The following AGBL1 variants were observed in gnomAD, a reference collection of about 807,000 sequenced individuals.
AGBL1 encodes the protein cytosolic carboxypeptidase 4.
A neutral mutation model predicts 118.9 loss-of-function variants in AGBL1; 130 were observed. The ratio of observed to expected loss-of-function variants is 1.09; its 90% CI spans 0.95 to 1.26. The LOEUF is 1.26. Among genes scored for constraint, AGBL1 ranks in the 50% most tolerant of loss-of-function variants. The probability of loss-of-function intolerance (pLI) is 0.00; values close to 1 mark genes in which losing one functional copy is unlikely to be tolerated. For missense variants in AGBL1, 1,584 were observed against 1,298.1 expected, an observed-to-expected ratio of 1.22 and a Z score of -3.38; for synonymous variants, 555 against 478.9, an observed-to-expected ratio of 1.16 and a Z score of -2.08.
intron 24 of AGBL1, among the ~76,000 whole-genome samples, chr15:87,025,996 C>A (rs1170174750): frequency 6.6e-6 from 1 of 151,994 alleles, no homozygotes; most frequent in Non-Finnish European, 1.5e-5. Flanking sequence ...TCACCTTATA[C>A]AAAAATCAAT....
chr15:86,543,812 A>G (rs1202231108), intron 19 of AGBL1, among the ~76,000 whole-genome samples: 1 of 152,232 alleles, frequency 6.6e-6, no homozygotes, highest in Non-Finnish European at 1.5e-5. Context: ...CAACTGCTAT[A>G]TCCATCTTAT....
chr15:86,477,056 A>C (rs1401019423), intron 18 of AGBL1, among the ~76,000 whole-genome samples: 1 of 152,182 alleles, frequency 6.6e-6, no homozygotes, highest in Non-Finnish European at 1.5e-5. Flanking sequence ...ACAACATACC[A>C]GAATCTCTGG....
chr15:86,165,656 C>T (rs1292923324), intron 5 of AGBL1, among the ~76,000 whole-genome samples: 1 of 152,126 alleles, frequency 6.6e-6, no homozygotes, highest in Non-Finnish European at 1.5e-5. Flanking sequence ...CTAACGGCTT[C>T]ATGATTCCCC....
intron 1 of AGBL1, among the ~76,000 whole-genome samples, chr15:86,138,097 G>T (rs887768368): frequency 6.6e-6 from 1 of 152,098 alleles, no homozygotes; most frequent in Non-Finnish European, 1.5e-5. Flanking sequence ...GGTGGGAATA[G>T]AGATATGAAT....
At chr15:86,540,184 G>A (rs1403247622) in intron 19 of AGBL1, among the ~76,000 whole-genome samples, 1 of 152,022 alleles carries the variant, frequency 6.6e-6, no homozygotes, top group African/African-American at 2.4e-5. Flanking sequence ...ATTAACTATT[G>A]TTGCTATTAT....
chr15:86,081,691 C>G (rs1210283512), intron 1 of AGBL1, among the ~76,000 whole-genome samples: 1 of 152,210 alleles, frequency 6.6e-6, no homozygotes, highest in Non-Finnish European at 1.5e-5. Flanking sequence ...GAGACCTCTT[C>G]TAATTTCTGA....
intron 23 of AGBL1, among the ~76,000 whole-genome samples, chr15:86,949,262 C>A (rs2080855221): frequency 6.6e-6 from 1 of 151,958 alleles, no homozygotes; most frequent in Non-Finnish European, 1.5e-5. Context: ...CTTACAAAAT[C>A]AAGATGAAAT....
At chr15:86,190,912 CA>C (rs1232204836) in intron 5 of AGBL1, among the ~76,000 whole-genome samples, 2 of 152,106 alleles carry the variant, frequency 1.3e-5, no homozygotes, top group African/African-American at 2.4e-5. Flanking sequence ...ACCCAAGAAA[CA>C]AATGCAAATT....
intron 21 of AGBL1, among the ~76,000 whole-genome samples, chr15:86,659,289 C>G (rs750682684): frequency 3.9e-5 from 6 of 152,074 alleles, no homozygotes; most frequent in Admixed American, 2.6e-4. Context: ...TTAGTGGACA[C>G]TATTTAAAGA....
chr15:86,438,797 G>T (rs1203551926), intron 18 of AGBL1, among the ~76,000 whole-genome samples: 1 of 151,944 alleles, frequency 6.6e-6, no homozygotes, highest in Non-Finnish European at 1.5e-5. Flanking sequence ...AGATAGCTGG[G>T]ATTACAGGCA....
At chr15:86,848,962 A>C (rs1231476625) in intron 22 of AGBL1, among the ~76,000 whole-genome samples, 1 of 152,180 alleles carries the variant, frequency 6.6e-6, no homozygotes, top group South Asian at 2.1e-4. Context: ...GAGGAAACTG[A>C]AATCAACTGT....
At position 86,159,019 on chromosome 15, in the gene AGBL1, G is replaced by A; in HGVS notation, c.481G>A (p.Ala161Thr). 6.2e-7 allele frequency: 1 copy of A among 1,613,082 alleles called. No homozygotes were observed. Among genetic ancestry groups the A allele is most frequent in the Non-Finnish European group, 8.5e-7 (1 of 1,179,210 alleles). Residue 161 changes from alanine to threonine, a missense_variant, in exon 5 of 23, where the codon GCA becomes ACA. Physicochemically the swap from Ala to Thr is moderately conservative, Grantham distance 58 (BLOSUM62 0). Transcript: ENST00000614907. ...TCCTTACACCCGAAAGCGCACCCAA[G>A]CAATCAGGTACAGAGTGCCATGTAA... ...ITPYTRKRTQ[A>T]IRAATEVLAA...
At chr15:86,459,824 GC>G (rs1363380795) in intron 18 of AGBL1, among the ~76,000 whole-genome samples, 1 of 152,064 alleles carries the variant, frequency 6.6e-6, no homozygotes, top group African/African-American at 2.4e-5. Context: ...AGGCACAGTT[GC>G]CATTTTTTAT....
intron 22 of AGBL1, among the ~76,000 whole-genome samples, chr15:86,886,525 G>A (rs1196980528): frequency 1.3e-5 from 2 of 151,962 alleles, no homozygotes; most frequent in African/African-American, 4.8e-5. Flanking sequence ...ATTTGTTTTG[G>A]GCATATTCTA....
chr15:86,644,351 G>A (rs145743630), intron 21 of AGBL1, among the ~76,000 whole-genome samples: 383 of 152,114 alleles, frequency 2.5e-3, no homozygotes, highest in Non-Finnish European at 4.4e-3. Context: ...GGCAAACATG[G>A]CAAGAGCCCG....
chr15:86,342,161 C>G (rs1249654129), intron 17 of AGBL1, among the ~76,000 whole-genome samples: 1 of 152,130 alleles, frequency 6.6e-6, no homozygotes, highest in Non-Finnish European at 1.5e-5. Flanking sequence ...TTTACTGCTA[C>G]TTCTCTGCCT....
At chr15:86,330,338 G>A (rs2080250603) in intron 17 of AGBL1, among the ~76,000 whole-genome samples, 1 of 152,300 alleles carries the variant, frequency 6.6e-6, no homozygotes, top group East Asian at 1.9e-4. Context: ...CGACAGATGT[G>A]CATAATAGGG....
chr15:86,822,511 C>T (rs946096659), intron 22 of AGBL1, among the ~76,000 whole-genome samples: 6 of 151,672 alleles, frequency 4.0e-5, no homozygotes, highest in African/African-American at 9.6e-5. Context: ...GAAGGTGGAA[C>T]GCAGAGCATG....
chr15:86,565,115 C>A (rs889571826), intron 21 of AGBL1, among the ~76,000 whole-genome samples: 9 of 152,228 alleles, frequency 5.9e-5, no homozygotes, highest in Non-Finnish European at 8.8e-5. Context: ...TCGTCTGAAG[C>A]CTTCTTCTCT....
Sources: gnomAD v4.1 joint callset for allele counts (sites outside exome capture counted in the v4.1 genomes callset) on GRCh38, gnomAD v4.1.1 for gene constraint, MANE v1.5 for transcripts, NCBI Gene and HGNC (gene_info 2026-07-23, HGNC 2026-07-21) for gene names.